The following SDR39U1 variants were observed in gnomAD, a reference collection of about 807,000 sequenced individuals.
SDR39U1 encodes the protein short chain dehydrogenase/reductase family 39U member 1, also known as epimerase family protein SDR39U1.
Under a neutral mutation model 31.7 loss-of-function variants are expected in SDR39U1, and 29 were observed. That is an observed-to-expected ratio of 0.92 (90% confidence interval 0.68 to 1.25). The LOEUF (loss-of-function observed/expected upper bound fraction) is 1.25, where lower values mean the gene tolerates loss of function less well. Ranked by LOEUF, SDR39U1 falls within the 50% of genes most tolerant of loss-of-function variation. The pLI is 0.00. For synonymous variants in SDR39U1, 147 were observed against 159.0 expected, an observed-to-expected ratio of 0.92 and a Z score of 0.57; for missense variants, 403 against 378.4, an observed-to-expected ratio of 1.06 and a Z score of -0.54.
rs749810566 is a variant in SDR39U1 at position 24,440,395 on chromosome 14, G to A, written c.570C>T (p.Phe190=). ...CCAGGTCCCCGATGTGTATCCAGGG[G>A]AAGAATTGGTGGCCTGAGCCGATGG... The part of the protein sequence containing the change: ...GGPIGSGHQF[F]PWIHIGDLAG... Residue 190 remains phenylalanine, a synonymous_variant, in exon 6 of 6, where the codon TTC becomes TTT. Transcript: ENST00000399395. 1.2e-6 allele frequency: 2 copies of A among 1,613,970 alleles called. No homozygotes were observed. Among genetic ancestry groups the A allele is most frequent in the South Asian group, 2.2e-5 (2 of 91,064 alleles).
At chr14:24,441,243 CTCTGTATAGAATTTTCACATCTTTAAAA>C in intron 4 of SDR39U1, 1 of 476,030 alleles carries the variant, frequency 2.1e-6, no homozygotes, top group South Asian at 2.1e-5. Flanking sequence ...TACTTAACCT[CTCTGTATAGAATTTTCACATCTTTAAAA>C]TGGGAATAAT....
upstream of SDR39U1, chr14:24,442,802 T>G (rs17184766): frequency 5.6e-6 from 9 of 1,613,258 alleles, no homozygotes; most frequent in Non-Finnish European, 6.8e-6. Flanking sequence ...TGCGTAAAGT[T>G]TAGAGTTTAC....
rs775356921 is a variant in SDR39U1 at position 24,442,706 on chromosome 14, A to G, written c.16+48T>C. 3.1e-6 allele frequency: 5 copies of G among 1,612,084 alleles called. No individual in the cohort carries two copies. The East Asian group carries it at 8.9e-5, about 29-fold the overall frequency. On this transcript the variant is annotated intron_variant, in intron 1 of 5. Coordinates refer to ENST00000399395, the MANE Select transcript of SDR39U1 (RefSeq NM_020195.3). ...CCCGGAAGCGGATTCCCAGTCCTCA[A>G]TCTCCGACTAAGCCCGCCCAGCACT... is the stretch of plus-strand genomic sequence containing the variant.
chr14:24,440,668 G>A, intron 5 of SDR39U1, 115 bp downstream of exon 5: 1 of 1,425,382 alleles, frequency 7.0e-7, no homozygotes. Flanking sequence ...AGGTTGGCTA[G>A]AAGTGGTGGC....
intron 3 of SDR39U1, 24 bp downstream of exon 3, chr14:24,442,154 A>T: frequency 6.2e-7 from 1 of 1,603,416 alleles, no homozygotes; most frequent in South Asian, 1.1e-5. Flanking sequence ...TCTAGTGGGT[A>T]TCAGCTTTAG....
At position 24,441,692 on chromosome 14, in the gene SDR39U1, C is replaced by A; in HGVS notation, c.310G>T (p.Val104Phe). The A allele has an allele frequency of 6.3e-7, 1 of 1,589,920 alleles. No individual in the cohort carries two copies. The highest frequency in any genetic ancestry group is 1.1e-5 in the South Asian group (1 of 87,092). The change falls in exon 4 of 6, where the codon GTC becomes TTC. Residue 104 changes from valine (V) to phenylalanine (F), a missense_variant. Transcript: ENST00000399395. ...GGCGTACCTACACCTGTGACTAAGA[C>A]CCAGGCCTTGGGGGGTTGTGGGGCT... ...TKAPQPPKAW[V>F]LVTGVAYYQP...
At position 24,442,369 on chromosome 14, in the gene SDR39U1, G is replaced by A. The variant is rs1566508533; in HGVS notation, c.100C>T (p.Pro34Ser). 6.2e-7 allele frequency: 1 copy of A among 1,611,862 alleles called. No individual in the cohort carries two copies. The highest frequency in any genetic ancestry group is 8.5e-7 in the Non-Finnish European group (1 of 1,178,988). The change falls in exon 2 of 6, where the codon CCC becomes TCC. Residue 34 changes from proline (P) to serine (S), a missense_variant. Pro to Ser is a moderately conservative substitution (Grantham distance 74). Coordinates refer to ENST00000399395, the MANE Select transcript of SDR39U1 (RefSeq NM_020195.3). ...GHEVTLVSRK[P>S]GPGRITWDEL... ...ACCCACGTGATCCGGCCGGGCCCGGGCTTTCGGGAGACCAACGTCACTTCG... is the reference window on the plus strand; with the variant it reads ...ACCCACGTGATCCGGCCGGGCCCGGACTTTCGGGAGACCAACGTCACTTCG...
chr14:24,440,510 G>A lies in SDR39U1; in HGVS notation c.473-18C>T. 2 of 1,590,308 alleles carry A rather than the reference G, an allele frequency of 1.3e-6. No individual in the cohort carries two copies. Among genetic ancestry groups the A allele is most frequent in the Non-Finnish European group, 1.7e-6 (2 of 1,168,558 alleles). On this transcript the variant is annotated intron_variant, in intron 5 of 5. Transcript: ENST00000399395. ...CACAACCCCTAGAGCAGGAAAGAGGGAAGGTACAGGGGTCCTCTCAGCCTT... is the reference window on the plus strand; with the variant it reads ...CACAACCCCTAGAGCAGGAAAGAGGAAAGGTACAGGGGTCCTCTCAGCCTT...
In SDR39U1 at chr14:24,440,788, C is replaced by T. The variant is rs372379499; in HGVS notation, c.467G>A (p.Arg156His). The T allele has an allele frequency of 3.5e-5, 57 of 1,613,696 alleles. No individual in the cohort carries two copies. Among genetic ancestry groups the T allele is most frequent in the South Asian group, 2.1e-4 (19 of 91,080 alleles). ...TACCCAGGCCCGTTTCTCACCTGAG[C>T]GCACCACCACCTGGCGTGTAGAATC... Reference protein sequence around the residue: ...PGDSTRQVVVRSGVVLGRGGG... With the variant: ...PGDSTRQVVVHSGVVLGRGGG... Residue 156 changes from arginine (R) to histidine (H), a missense_variant, in exon 5 of 6, where the codon CGC becomes CAC. Arg to His is a conservative substitution (Grantham distance 29, BLOSUM62 0). Transcript: ENST00000399395.
At chr14:24,441,008 C>A (rs1566507075) in intron 4 of SDR39U1, 82 bp from the exon 5 acceptor site, 1 of 1,421,906 alleles carries the variant, frequency 7.0e-7, no homozygotes, top group East Asian at 2.3e-5. Flanking sequence ...CTTGGCCTCA[C>A]CTTCTCTGGC....
chr14:24,441,679 C>A lies in SDR39U1; in HGVS notation c.323G>T (p.Gly108Val). The stretch of plus-strand genomic sequence containing the variant: ...TGGTGATTTGGGGGGCGTACCTACA[C>A]CTGTGACTAAGACCCAGGCCTTGGG... ...QPPKAWVLVT[G>V]VAYYQPSLTA... Residue 108 changes from glycine (G) to valine (V), a missense_variant, in exon 4 of 6, where the codon GGT becomes GTT. Gly to Val is a moderately radical substitution (Grantham distance 109). Transcript: ENST00000399395. 2 of 1,583,682 alleles carry A rather than the reference C, an allele frequency of 1.3e-6. No homozygotes were observed. The highest frequency in any genetic ancestry group is 1.7e-6 in the Non-Finnish European group (2 of 1,171,428).
At position 24,440,850 on chromosome 14, in the gene SDR39U1, G is replaced by A. The variant is rs367894313; in HGVS notation, c.405C>T (p.Leu135=). The change falls in exon 5 of 6, where the codon CTC becomes CTT. Residue 135 remains leucine, a synonymous_variant. Transcript: ENST00000399395. ...TGGCTGCAGCTTCCCATTTGGTTAC[G>A]AGGTTGGAGAAAAAGTCAAAGTCCC... The part of the protein sequence containing the change: ...PGGDFDFFSN[L]VTKWEAAARL... 8 of 1,613,866 alleles carry A rather than the reference G, an allele frequency of 5.0e-6. No homozygotes were observed. Among genetic ancestry groups the A allele is most frequent in the African/African-American group, 4.0e-5 (3 of 74,920 alleles).
At chr14:24,440,737 A>G (rs2043309568) in intron 5 of SDR39U1, 46 bp downstream of exon 5, 1 of 1,600,556 alleles carries the variant, frequency 6.2e-7, no homozygotes, top group African/African-American at 1.3e-5. Flanking sequence ...TCCCCAGCCC[A>G]GAGAAGACAT....
In SDR39U1 at chr14:24,442,219, G is replaced by A. The variant is rs370349450; in HGVS notation, c.165C>T (p.Ala55=). The A allele has an allele frequency of 8.1e-6, 13 of 1,611,758 alleles. No homozygotes were observed. The highest frequency in any genetic ancestry group is 2.7e-5 in the African/African-American group (2 of 74,702). Residue 55 remains alanine, a synonymous_variant, in exon 3 of 6, where the codon GCC becomes GCT. Coordinates refer to ENST00000399395, the MANE Select transcript of SDR39U1 (RefSeq NM_020195.3). ...GGATGTTCTCTCCGGCCAGGTTGAC[G>A]GCGGCATCGCAGCTCGGCAGCCCCG... The part of the protein sequence containing the change: ...AASGLPSCDA[A]VNLAGENILN...
intron 3 of SDR39U1, 188 bp downstream of exon 3, chr14:24,441,990 C>T (rs966510484): frequency 2.2e-5 from 31 of 1,415,356 alleles, no homozygotes; most frequent in Non-Finnish European, 2.8e-5. Context: ...TACGTGAGGA[C>T]TTAAGCCAAT....
chr14:24,441,130 T>TA, intron 4 of SDR39U1: 2 of 681,574 alleles, frequency 2.9e-6, no homozygotes, highest in South Asian at 1.5e-5. Flanking sequence ...GGGCTAAACT[T>TA]AGAGGCTGCT....
rs1476922429 is a variant in SDR39U1, at chr14:24,441,671, T to C, written c.328+3A>G. 7 of 1,579,054 alleles carry C rather than the reference T, an allele frequency of 4.4e-6. No homozygotes were observed. The highest frequency in any genetic ancestry group is 6.0e-6 in the Non-Finnish European group (7 of 1,169,472). On this transcript the variant is annotated splice_donor_region_variant and intron_variant, in intron 4 of 5. Coordinates refer to ENST00000399395, the MANE Select transcript of SDR39U1 (RefSeq NM_020195.3). The stretch of plus-strand genomic sequence containing the variant: ...TAAGGGGCTGGTGATTTGGGGGGCG[T>C]ACCTACACCTGTGACTAAGACCCAG...
At chr14:24,442,645 C>A in intron 1 of SDR39U1, 109 bp downstream of exon 1, 1 of 1,434,388 alleles carries the variant, frequency 7.0e-7, no homozygotes, top group African/African-American at 1.4e-5. Flanking sequence ...GGCTAGGAGG[C>A]CAAGGCCAGG....
At position 24,442,200 on chromosome 14, in the gene SDR39U1, T is replaced by A; in HGVS notation, c.184A>T (p.Asn62Tyr). The A allele has an allele frequency of 6.2e-7, 1 of 1,611,488 alleles. No individual in the cohort carries two copies. The highest frequency in any genetic ancestry group is 2.2e-5 in the East Asian group (1 of 44,768). Residue 62 changes from asparagine to tyrosine, a missense_variant, in exon 3 of 6, where the codon AAC (asparagine) becomes TAC (tyrosine). Coordinates refer to ENST00000399395, the MANE Select transcript of SDR39U1 (RefSeq NM_020195.3). ...CDAAVNLAGE[N>Y]ILNPLRRWNE... is the part of the protein sequence containing the mutation. Reference sequence around the variant, plus strand: ...GACCTTCGGAGAGGGTTGAGGATGTTCTCTCCGGCCAGGTTGACGGCGGCA... The same window carrying A: ...GACCTTCGGAGAGGGTTGAGGATGTACTCTCCGGCCAGGTTGACGGCGGCA...
Sources: gnomAD v4.1 joint callset for allele counts on GRCh38, gnomAD v4.1.1 for gene constraint, MANE v1.5 for transcripts, NCBI Gene and HGNC (gene_info 2026-07-23, HGNC 2026-07-21) for gene names.